Variants in GLB1 observed in about 807,000 individuals in gnomAD.
The protein encoded by GLB1 is beta-galactosidase.
GLB1 carries 56 observed loss-of-function variants against 74.0 expected under a neutral mutation model. The ratio of observed to expected loss-of-function variants is 0.76; its 90% CI spans 0.61 to 0.94. The LOEUF is 0.94. GLB1 is among the 40% of genes least tolerant of loss of function. The probability of loss-of-function intolerance (pLI) is 0.00; values close to 1 mark genes in which losing one functional copy is unlikely to be tolerated. For missense variants in GLB1, 787 were observed against 845.5 expected, an observed-to-expected ratio of 0.93 and a Z score of 0.86; for synonymous variants, 323 against 323.6, an observed-to-expected ratio of 1.00 and a Z score of 0.02.
chr3:33,022,840 G>A (rs559771803), intron 11 of GLB1, among the ~76,000 whole-genome samples: 6 of 152,068 alleles, frequency 3.9e-5, no homozygotes, highest in Non-Finnish European at 7.4e-5. Flanking sequence ...GATTACAGGC[G>A]TGAGCCACCA....
intron 2 of GLB1, among the ~76,000 whole-genome samples, chr3:33,069,993 G>C (rs1456731532): frequency 6.7e-6 from 1 of 148,796 alleles, no homozygotes; most frequent in African/African-American, 2.5e-5. Context: ...ATTGTCTGTT[G>C]TTCCCTTCTT....
chr3:33,091,176 G>A, intron 1 of GLB1: 1 of 985,430 alleles, frequency 1.0e-6, no homozygotes, highest in Non-Finnish European at 1.2e-6. Context: ...TGGAAGGACA[G>A]TGAAGAGAGA....
the GLB1 span, among the ~76,000 whole-genome samples, chr3:32,968,840 AT>A: frequency 1.3e-5 from 2 of 152,390 alleles, no homozygotes; most frequent in Admixed American, 1.3e-4. Flanking sequence ...AACTCAAGCC[AT>A]AAAGTCATGG....
Position 32,996,949 on chromosome 3 carries a change from C to G in GLB1, c.*96G>C. ...AAAATGCACATCCTAAATTCCTTTT[C>G]CATTTCCACATTCCAATCAGTGAAA... On this transcript the variant is annotated 3_prime_UTR_variant, in exon 16 of 16. Transcript: ENST00000307363. 1 of 1,607,198 alleles carries G rather than the reference C, an allele frequency of 6.2e-7. No homozygotes were observed. The highest frequency in any genetic ancestry group is 8.5e-7 in the Non-Finnish European group (1 of 1,176,226).
chr3:33,093,286 T>G lies in GLB1; in HGVS notation c.75+3725A>C, dbSNP rs764118047. 1 of 1,613,986 alleles carries G rather than the reference T, an allele frequency of 6.2e-7. No homozygotes were observed. Among genetic ancestry groups the G allele is most frequent in the African/African-American group, 1.3e-5 (1 of 74,898 alleles). On this transcript the variant is annotated intron_variant, in intron 1 of 15. Transcript: ENST00000307363. This position sits in a 1 kb window ranked among gnomAD's most constrained non-coding sequence, Gnocchi z 6.0. ...GCCCGTGTGGCGGAAATCTTCACGT[T>G]CTCATTATGAAGAGGCTGGACATGC...
intron 6 of GLB1, among the ~76,000 whole-genome samples, chr3:33,055,617 C>T (rs949577655): frequency 5.9e-5 from 9 of 151,738 alleles, no homozygotes; most frequent in African/African-American, 1.2e-4. Context: ...TGCGCCACCA[C>T]GATTTTTGTA....
intron 1 of GLB1, chr3:33,092,535 C>G: frequency 8.7e-7 from 1 of 1,153,194 alleles, no homozygotes; most frequent in South Asian, 3.6e-5. Flanking sequence ...CCTGGGAGCT[C>G]TGCAGGAGAA....
chr3:33,017,979 A>AGGGTCACCAAGAAGAGGGGTGG lies in GLB1; in HGVS notation c.1347+447_1347+468dup, dbSNP rs1435442516. 2.0e-5 allele frequency among the ~76,000 whole-genome samples: 3 copies of AGGGTCACCAAGAAGAGGGGTGG among 152,268 alleles called. No homozygotes were observed. In the East Asian group the frequency reaches 5.8e-4, roughly 29 times the overall value. On this transcript the variant is annotated intron_variant, in intron 13 of 15. Coordinates refer to ENST00000307363, the MANE Select transcript of GLB1 (RefSeq NM_000404.4). Reference sequence around the variant, plus strand: ...TCACAGCAAGCAAGAGGCACAGCTAAGGGTCACCAAGAAGAGGGGTGGAGC... The same window carrying AGGGTCACCAAGAAGAGGGGTGG: ...TCACAGCAAGCAAGAGGCACAGCTAAGGGTCACCAAGAAGAGGGGTGGGGGTCACCAAGAAGAGGGGTGGAGC...
chr3:33,020,704 T>C (rs1165705063), intron 12 of GLB1, among the ~76,000 whole-genome samples: 1 of 152,224 alleles, frequency 6.6e-6, no homozygotes, highest in African/African-American at 2.4e-5. Context: ...AAGGACGTTA[T>C]TGCAATGACC....
intron 10 of GLB1, among the ~76,000 whole-genome samples, chr3:33,027,340 C>T (rs949841286): frequency 2.0e-5 from 3 of 152,250 alleles, no homozygotes; most frequent in African/African-American, 7.2e-5. Context: ...TGCTCACACA[C>T]CCCTTGCCGC....
At chr3:32,965,716 C>T in the GLB1 span, among the ~76,000 whole-genome samples, 2 of 152,224 alleles carry the variant, frequency 1.3e-5, no homozygotes, top group Non-Finnish European at 2.9e-5. Flanking sequence ...CAGCCCCTGC[C>T]ATTACAGGCC....
intron 1 of GLB1, among the ~76,000 whole-genome samples, chr3:33,078,064 ACTT>A (rs1044247579): frequency 2.0e-5 from 3 of 152,050 alleles, no homozygotes; most frequent in African/African-American, 4.8e-5. Context: ...TGTTGTTTAA[ACTT>A]CTTGTTTAAA....
intron 12 of GLB1, among the ~76,000 whole-genome samples, chr3:33,018,946 A>C (rs1398363940): frequency 6.6e-6 from 1 of 152,214 alleles, no homozygotes; most frequent in East Asian, 1.9e-4. Flanking sequence ...GCAAACAAAC[A>C]GCAAAGCCAA....
At chr3:33,070,498 TCAA>T (rs749364330) in intron 2 of GLB1, among the ~76,000 whole-genome samples, 11 of 152,038 alleles carry the variant, frequency 7.2e-5, no homozygotes, top group Non-Finnish European at 1.0e-4. Context: ...CTTCTTAAAA[TCAA>T]CAACAACAAC....
rs372978301 is a variant in GLB1, at chr3:33,010,766, T to C, written c.1734+3290A>G. Among the ~76,000 whole-genome samples, 5 of 152,310 alleles carry C rather than the reference T, an allele frequency of 3.3e-5. No homozygotes were observed. In the East Asian group the frequency reaches 9.6e-4, roughly 29 times the overall value. ...CTAGAGAGAAATTTTAGAAGTTTTA[T>C]AGAGGAATTAAGTTACAAATTAATA... On this transcript the variant is annotated intron_variant, in intron 15 of 15. Coordinates refer to ENST00000307363, the MANE Select transcript of GLB1 (RefSeq NM_000404.4).
At chr3:33,059,169 G>T (rs922315124) in intron 5 of GLB1, among the ~76,000 whole-genome samples, 1 of 151,934 alleles carries the variant, frequency 6.6e-6, no homozygotes, top group Non-Finnish European at 1.5e-5. Flanking sequence ...TCCCAGTGAG[G>T]TGGGTAGCAT....
intron 12 of GLB1, 178 bp downstream of exon 12, chr3:33,021,388 C>T (rs1333884053): frequency 5.6e-6 from 4 of 718,150 alleles, no homozygotes; most frequent in Non-Finnish European, 9.4e-6. Flanking sequence ...GCATGATCAG[C>T]CCACCACGCA....
chr3:33,063,645 A>C (rs550708687), intron 5 of GLB1, among the ~76,000 whole-genome samples: 2 of 152,292 alleles, frequency 1.3e-5, no homozygotes, highest in Admixed American at 1.3e-4. Context: ...TGATTCAAGG[A>C]GAGGCAGAGA....
At chr3:32,967,886 C>A in the GLB1 span, among the ~76,000 whole-genome samples, 3 of 152,246 alleles carry the variant, frequency 2.0e-5, no homozygotes, top group East Asian at 5.8e-4. Flanking sequence ...CAGGACAATA[C>A]CAGCTCTTCA....
Sources: allele counts gnomAD v4.1 joint callset (sites outside exome capture counted in the v4.1 genomes callset), GRCh38; gene constraint gnomAD v4.1.1; non-coding constraint Gnocchi (gnomAD v3.1); transcripts MANE v1.5; gene names NCBI Gene and HGNC (gene_info 2026-07-23, HGNC 2026-07-21).